The following PVT1 variants were observed in gnomAD, a reference collection of about 807,000 sequenced individuals.
The protein encoded by PVT1 is CXCR4/PVT1 fusion.
chr8:127,869,238 C>G (rs1815325013), intron 2 of PVT1, among the ~76,000 whole-genome samples: 1 of 151,998 alleles, frequency 6.6e-6, no homozygotes, highest in South Asian at 2.1e-4. Context: ...TCCAGTGATT[C>G]TCCTGCCTCA....
At chr8:127,806,259 G>A (rs933888097) in intron 2 of PVT1, among the ~76,000 whole-genome samples, 6 of 152,044 alleles carry the variant, frequency 3.9e-5, no homozygotes, top group Non-Finnish European at 8.8e-5. Context: ...TCAGGCGTTC[G>A]AGACCATCCT....
chr8:128,082,272 C>T (rs1040757793), intron 5 of PVT1, among the ~76,000 whole-genome samples: 2 of 152,152 alleles, frequency 1.3e-5, no homozygotes, highest in Non-Finnish European at 2.9e-5. Context: ...GTAACTTGTT[C>T]GGGGTGCTAC....
chr8:128,027,677 C>A (rs1813328542), intron 4 of PVT1, among the ~76,000 whole-genome samples: 1 of 152,202 alleles, frequency 6.6e-6, no homozygotes. Context: ...GCTGTGGCAC[C>A]ATGCAAGGTG....
intron 2 of PVT1, among the ~76,000 whole-genome samples, chr8:127,798,494 C>T (rs778463953): frequency 3.9e-5 from 6 of 151,928 alleles, no homozygotes; most frequent in Non-Finnish European, 2.9e-5. Flanking sequence ...GCCAAGAGGC[C>T]TTAGGTGAGG....
At chr8:127,796,468 C>A (rs1457077323) in intron 2 of PVT1, among the ~76,000 whole-genome samples, 1 of 152,024 alleles carries the variant, frequency 6.6e-6, no homozygotes, top group Non-Finnish European at 1.5e-5. Flanking sequence ...ATTCCCTGTT[C>A]TTTAGTTGTT....
intron 3 of PVT1, among the ~76,000 whole-genome samples, chr8:127,953,214 T>C (rs1174723327): frequency 6.6e-6 from 1 of 152,212 alleles, no homozygotes; most frequent in Non-Finnish European, 1.5e-5. Flanking sequence ...GGCTGGGCAA[T>C]CTCTGTCCTT....
At chr8:127,862,269 G>T (rs191313084) in intron 2 of PVT1, among the ~76,000 whole-genome samples, 1 of 152,068 alleles carries the variant, frequency 6.6e-6, no homozygotes, top group African/African-American at 2.4e-5. Context: ...TTAGCCAGGC[G>T]TGGTGGCAGG....
At chr8:127,867,419 A>G (rs1305029793) in intron 2 of PVT1, among the ~76,000 whole-genome samples, 1 of 152,174 alleles carries the variant, frequency 6.6e-6, no homozygotes, top group Non-Finnish European at 1.5e-5. Context: ...TCTGATCTTG[A>G]TGTGCACATT....
Position 127,903,213 on chromosome 8 carries a change from G to T in PVT1, n.782+12215G>T, listed in dbSNP as rs542778842. Among the ~76,000 whole-genome samples the T allele has an allele frequency of 3.9e-5, 6 of 152,182 alleles. No individual in the cohort carries two copies. The East Asian group carries it at 1.2e-3, about 29-fold the overall frequency. On this transcript the variant is annotated intron_variant and non_coding_transcript_variant, in intron 3 of 10. Coordinates refer to ENST00000651587, the Ensembl canonical transcript of PVT1. ...GATGTTGTGCATTTTTTCATGTTTG[G>T]TGGCTGCATGAATGTCTTCTTTTGA...
At chr8:127,829,437 C>T (rs1459816496) in intron 2 of PVT1, among the ~76,000 whole-genome samples, 3 of 152,212 alleles carry the variant, frequency 2.0e-5, no homozygotes, top group Non-Finnish European at 4.4e-5. Flanking sequence ...GTTCTTCTCT[C>T]CTTGGCTTCC....
intron 5 of PVT1, among the ~76,000 whole-genome samples, chr8:128,081,569 C>T (rs1814179615): frequency 6.6e-6 from 1 of 152,150 alleles, no homozygotes. Flanking sequence ...TTAGCCTTGC[C>T]TTCTGGCTAA....
chr8:127,928,383 T>C (rs1234243792), intron 3 of PVT1, among the ~76,000 whole-genome samples: 6 of 152,220 alleles, frequency 3.9e-5, no homozygotes, highest in African/African-American at 1.4e-4. Context: ...TGTATTGAGT[T>C]GAGCCCTATC....
In PVT1 at chr8:127,951,609, A is replaced by G. The variant is rs1586452228; in HGVS notation, n.783-37553A>G. Among the ~76,000 whole-genome samples the G allele has an allele frequency of 2.0e-5, 3 of 152,286 alleles. No homozygotes were observed. In the South Asian group the frequency reaches 6.2e-4, roughly 32 times the overall value. ...TATCAACAGCAAGCCTCCCCCGGTC[A>G]TTACATGCCTAGACTGTGCCTGAAC... On this transcript the variant is annotated intron_variant and non_coding_transcript_variant, in intron 3 of 10. Coordinates refer to ENST00000651587, the Ensembl canonical transcript of PVT1.
chr8:127,869,266 G>A (rs959419082), intron 2 of PVT1, among the ~76,000 whole-genome samples: 6 of 151,952 alleles, frequency 3.9e-5, no homozygotes, highest in Admixed American at 3.3e-4. Context: ...GAGTAGCTGG[G>A]ATTACAGGCA....
intron 2 of PVT1, among the ~76,000 whole-genome samples, chr8:127,818,270 G>A (rs1444586933): frequency 6.6e-6 from 1 of 152,108 alleles, no homozygotes; most frequent in Admixed American, 6.6e-5. Context: ...GCCAAGATAC[G>A]CCTTTCAAAA....
chr8:127,911,949 A>G (rs1815903917), intron 3 of PVT1, among the ~76,000 whole-genome samples: 2 of 152,202 alleles, frequency 1.3e-5, no homozygotes, highest in South Asian at 2.1e-4. Flanking sequence ...TTCATAATGG[A>G]TAAAGAATGG....
intron 4 of PVT1, among the ~76,000 whole-genome samples, chr8:127,993,380 C>T (rs1476312871): frequency 2.6e-5 from 4 of 152,226 alleles, no homozygotes; most frequent in Non-Finnish European, 5.9e-5. Flanking sequence ...CTCTTTCAGT[C>T]CAGCTCATCT....
intron 2 of PVT1, chr8:127,855,089 A>G (rs1815146919): frequency 2.5e-6 from 1 of 398,508 alleles, no homozygotes; most frequent in East Asian, 3.6e-5. Context: ...ACCCGATTCA[A>G]GTTAAGTTTC....
chr8:127,989,942 G>T (rs1817014002), intron 4 of PVT1, among the ~76,000 whole-genome samples: 2 of 152,308 alleles, frequency 1.3e-5, no homozygotes, highest in South Asian at 4.1e-4. Context: ...GATGTTGTTT[G>T]TGTTGAGTGA....
Sources: gnomAD v4.1 joint callset for allele counts (sites outside exome capture counted in the v4.1 genomes callset) on GRCh38, gnomAD v4.1.1 for gene constraint, MANE v1.5 for transcripts, NCBI Gene and HGNC (gene_info 2026-07-23, HGNC 2026-07-21) for gene names.